TJAP1: variants seen among roughly 807,000 people sequenced by gnomAD.
The protein encoded by TJAP1 is tight junction associated protein 1.
TJAP1 carries 27 observed loss-of-function variants against 42.0 expected under a neutral mutation model. The ratio of observed to expected loss-of-function variants is 0.64; its 90% CI spans 0.47 to 0.89. TJAP1 has a LOEUF of 0.89. TJAP1 is among the 40% of genes least tolerant of loss of function. The pLI, the probability that TJAP1 is intolerant of heterozygous loss-of-function variation, is 0.00. For synonymous variants in TJAP1, 257 were observed against 288.4 expected, an observed-to-expected ratio of 0.89 and a Z score of 1.10; for missense variants, 712 against 726.9, an observed-to-expected ratio of 0.98 and a Z score of 0.24.
chr6:43,505,206 C>T lies in TJAP1; in HGVS notation c.1025C>T (p.Pro342Leu). The T allele has an allele frequency of 6.2e-7, 1 of 1,614,166 alleles. No homozygotes were observed. The highest frequency in any genetic ancestry group is 8.5e-7 in the Non-Finnish European group (1 of 1,180,006). ...TTCTCTGAGGATAAGGTTCGGATCC[C>T]CCGCAACAGCCCCCTGCCCAACTGC... Residue 342 changes from proline to leucine, a missense_variant, in exon 11 of 11, where the codon CCC becomes CTC. Physicochemically the swap from Pro to Leu is moderately conservative, Grantham distance 98. Coordinates refer to ENST00000372449, the Ensembl canonical transcript of TJAP1. This position sits in a 1 kb window ranked among gnomAD's most constrained non-coding sequence, Gnocchi z 5.5.
intron 4 of TJAP1, 159 bp from the exon 5 acceptor site, chr6:43,500,585 T>G: frequency 2.8e-6 from 2 of 712,524 alleles, no homozygotes; most frequent in Non-Finnish European, 4.9e-6. Flanking sequence ...TGTCCCAGCA[T>G]TACTGAATTG....
Position 43,502,821 on chromosome 6 carries a change from A to AGAG in TJAP1, c.387+206_387+208dup, listed in dbSNP as rs1322012506. 4.6e-6 allele frequency: 3 copies of AGAG among 646,448 alleles called. No homozygotes were observed. The African/African-American group carries it at 5.4e-5, about 12-fold the overall frequency. The allele number at this position is 646,448 out of a possible 1,614,324, so 40.0% of individuals were successfully genotyped here. Reference sequence around the variant, plus strand: ...AGCCTGCTCTGCCCTTGGCTCTGGTAGAGGTACTGATTGATGTCTCCACTG... The same window carrying AGAG: ...AGCCTGCTCTGCCCTTGGCTCTGGTAGAGGAGGTACTGATTGATGTCTCCACTG... On this transcript the variant is annotated intron_variant, in intron 8 of 10. Coordinates refer to ENST00000372449, the Ensembl canonical transcript of TJAP1.
chr6:43,502,047 G>GACACACAC (rs563635573), intron 6 of TJAP1, among the ~76,000 whole-genome samples: 12 of 22,268 alleles, frequency 5.4e-4, no homozygotes, highest in African/African-American at 1.5e-3. Context: ...GGAATGCGGG[G>GACACACAC]ACACACACAC....
Position 43,495,940 on chromosome 6 carries a change from C to T in TJAP1, c.-121-1941C>T, listed in dbSNP as rs1044093421. On this transcript the variant is annotated intron_variant, in intron 2 of 10. Transcript: ENST00000372449. This position sits in a 1 kb window ranked among gnomAD's most constrained non-coding sequence, Gnocchi z 4.6. The stretch of plus-strand genomic sequence containing the variant: ...CCAAGTGCGTTTGTGTCCTCCCTGC[C>T]TGCCTGCCGTTCATGCAGGTGTTTC... Among the ~76,000 whole-genome samples the T allele has an allele frequency of 1.3e-5, 2 of 152,154 alleles. No individual in the cohort carries two copies. The highest frequency in any genetic ancestry group is 2.9e-5 in the Non-Finnish European group (2 of 68,030).
At chr6:43,484,627 G>A (rs907805600) in intron 2 of TJAP1, among the ~76,000 whole-genome samples, 6 of 152,164 alleles carry the variant, frequency 3.9e-5, no homozygotes, top group African/African-American at 1.2e-4. Flanking sequence ...GGAGTAAAAC[G>A]GAGTCTCCTT....
At chr6:43,488,257 T>TAAC (rs34333128) in intron 2 of TJAP1, among the ~76,000 whole-genome samples, 22,511 of 152,096 alleles carry the variant, frequency 0.15, 3,320 homozygotes, top group African/African-American at 0.38. Context: ...TTTGTTGACT[T>TAAC]AAGTGACCAA....
intron 2 of TJAP1, chr6:43,497,422 CCTT>C (rs1435264690): frequency 5.9e-5 from 9 of 152,348 alleles, no homozygotes; most frequent in African/African-American, 1.9e-4. Context: ...CCTTGGGCCT[CCTT>C]CTGGAAATGC....
chr6:43,495,307 C>T lies in TJAP1; in HGVS notation c.-121-2574C>T, dbSNP rs568183858. The stretch of plus-strand genomic sequence containing the variant: ...GGTCTGTCCGGACTTTCCCTGCACA[C>T]CTTCCTTGCCTCCAGTCAAGGACTG... On this transcript the variant is annotated intron_variant, in intron 2 of 10. Transcript: ENST00000372449. This position sits in a 1 kb window ranked among gnomAD's most constrained non-coding sequence, Gnocchi z 4.6. Among the ~76,000 whole-genome samples the T allele has an allele frequency of 1.1e-4, 17 of 152,250 alleles. No individual in the cohort carries two copies. The highest frequency in any genetic ancestry group is 3.9e-4 in the African/African-American group (16 of 41,474).
At chr6:43,494,790 C>G (rs1178474569) in intron 2 of TJAP1, among the ~76,000 whole-genome samples, 1 of 151,954 alleles carries the variant, frequency 6.6e-6, no homozygotes, top group Non-Finnish European at 1.5e-5. Flanking sequence ...CCAGGCAGCT[C>G]TCGAACTCCT....
At chr6:43,496,742 C>T (rs1400095840) in intron 2 of TJAP1, among the ~76,000 whole-genome samples, 3 of 152,296 alleles carry the variant, frequency 2.0e-5, no homozygotes, top group South Asian at 4.1e-4. Flanking sequence ...CTTCCCTCAA[C>T]CTCCAGCTCT....
chr6:43,485,066 G>T (rs766480107), intron 2 of TJAP1, among the ~76,000 whole-genome samples: 1 of 152,224 alleles, frequency 6.6e-6, no homozygotes, highest in Non-Finnish European at 1.5e-5. Flanking sequence ...TTTGATGATC[G>T]TGATATGCTG....
rs544955117 is a variant in TJAP1 at position 43,503,999 on chromosome 6, A to G, written c.579+293A>G. Reference sequence around the variant, plus strand: ...AGTCAGAGCTATCTGCCCAAAGAGTACTAAGAGAGGATTAGGCCCATCTGA... The same window carrying G: ...AGTCAGAGCTATCTGCCCAAAGAGTGCTAAGAGAGGATTAGGCCCATCTGA... On this transcript the variant is annotated intron_variant, in intron 10 of 10. Transcript: ENST00000372449. 3.0e-4 allele frequency: 188 copies of G among 623,054 alleles called. 3 individuals carry two copies. The highest frequency in any genetic ancestry group is 1.8e-3 in the Middle Eastern group (7 of 3,912). The allele number at this position is 623,054 out of a possible 1,614,324, so 38.6% of individuals were successfully genotyped here.
At chr6:43,498,816 C>A in intron 3 of TJAP1, 162 bp from the exon 4 acceptor site, 3 of 634,250 alleles carry the variant, frequency 4.7e-6, no homozygotes, top group Non-Finnish European at 5.2e-6. Context: ...TGGGGACTGA[C>A]ACACCTAAGT....
chr6:43,498,896 C>T, intron 3 of TJAP1, 82 bp from the exon 4 acceptor site: 2 of 1,461,150 alleles, frequency 1.4e-6, no homozygotes, highest in South Asian at 2.5e-5. Context: ...ACATATGTCC[C>T]CTTTCACCAT....
At chr6:43,496,509 G>C (rs921186672) in intron 2 of TJAP1, among the ~76,000 whole-genome samples, 3 of 152,212 alleles carry the variant, frequency 2.0e-5, no homozygotes, top group Admixed American at 6.5e-5. Context: ...CCTCCTGTCA[G>C]GGGGAGGAGG....
At chr6:43,502,258 T>C in intron 6 of TJAP1, 25 bp from the exon 7 acceptor site, 1 of 1,613,620 alleles carries the variant, frequency 6.2e-7, no homozygotes, top group Non-Finnish European at 8.5e-7. Flanking sequence ...GACCCAGGGA[T>C]GTGCCTTGTA....
intron 2 of TJAP1, among the ~76,000 whole-genome samples, chr6:43,488,327 C>T (rs1339909615): frequency 6.6e-5 from 10 of 152,336 alleles, no homozygotes; most frequent in African/African-American, 2.4e-4. Context: ...CCTTCCCAGT[C>T]GAGTGAGTTC....
At chr6:43,499,879 G>A (rs1790109957) in intron 4 of TJAP1, among the ~76,000 whole-genome samples, 1 of 152,236 alleles carries the variant, frequency 6.6e-6, no homozygotes, top group Non-Finnish European at 1.5e-5. Flanking sequence ...ATTAAATTAA[G>A]ATGCCAGCTA....
intron 8 of TJAP1, chr6:43,502,866 C>T (rs1458589769): frequency 1.7e-6 from 1 of 581,662 alleles, no homozygotes; most frequent in African/African-American, 1.9e-5. Flanking sequence ...AGCTTCTTGG[C>T]TCCAGTGGCA....
Sources: gnomAD v4.1 joint callset for allele counts (sites outside exome capture counted in the v4.1 genomes callset) on GRCh38, gnomAD v4.1.1 for gene constraint, Gnocchi (gnomAD v3.1) non-coding constraint, MANE v1.5 for transcripts, NCBI Gene and HGNC (gene_info 2026-07-23, HGNC 2026-07-21) for gene names.